GK5: variants seen among roughly 807,000 people sequenced by gnomAD.
GK5 encodes ATP:glycerol 3-phosphotransferase 5.
In GK5, 39 loss-of-function variants were observed where a neutral mutation model predicts 77.3. The observed-to-expected ratio is 0.50, with a 90% CI of 0.39 to 0.66. GK5 has a LOEUF of 0.66. GK5 is among the 30% of genes least tolerant of loss of function. The pLI, the probability that GK5 is intolerant of heterozygous loss-of-function variation, is 0.00. For synonymous variants in GK5, 211 were observed against 208.0 expected, an observed-to-expected ratio of 1.01 and a Z score of -0.13; for missense variants, 487 against 633.8, an observed-to-expected ratio of 0.77 and a Z score of 2.49.
At chr3:142,169,327 A>G (rs545816492) in intron 15 of GK5, among the ~76,000 whole-genome samples, 5 of 152,190 alleles carry the variant, frequency 3.3e-5, no homozygotes, top group Non-Finnish European at 7.3e-5. Context: ...GCATTATCTA[A>G]TTTGAGCAAG....
At chr3:142,205,620 C>T (rs543975190) in intron 3 of GK5, among the ~76,000 whole-genome samples, 1 of 152,284 alleles carries the variant, frequency 6.6e-6, no homozygotes, top group Admixed American at 6.5e-5. Context: ...AACCTTTAAT[C>T]CCTCAAACAT....
chr3:142,220,468 G>C (rs890581813), intron 1 of GK5, among the ~76,000 whole-genome samples: 1 of 152,188 alleles, frequency 6.6e-6, no homozygotes, highest in Non-Finnish European at 1.5e-5. Context: ...TGAGTGGGCA[G>C]ATGGTACATG....
At position 142,164,940 on chromosome 3, in the gene GK5, C is replaced by A. The variant is rs2063457489; in HGVS notation, c.*682G>T. Reference sequence around the variant, plus strand: ...ATCAATATTCTTTCTAGTTCATTAACTAAAATTAGTTTTTCAGTGTTTTCA... The same window carrying A: ...ATCAATATTCTTTCTAGTTCATTAAATAAAATTAGTTTTTCAGTGTTTTCA... On this transcript the variant is annotated 3_prime_UTR_variant, in exon 16 of 16. Transcript: ENST00000392993. 6.6e-6 allele frequency: 1 copy of A among 152,494 alleles called. No homozygotes were observed. The highest frequency in any genetic ancestry group is 6.6e-5 in the Admixed American group (1 of 15,250). 9.4% of individuals were successfully genotyped at this position (152,494 alleles called of 1,614,324 possible). A position where few individuals can be genotyped will look rare whatever the true frequency, so the allele number is the denominator to read the frequency against.
At chr3:142,189,000 C>T (rs1321917705) in intron 5 of GK5, among the ~76,000 whole-genome samples, 2 of 152,214 alleles carry the variant, frequency 1.3e-5, no homozygotes, top group African/African-American at 4.8e-5. Flanking sequence ...ATTTGTCCTT[C>T]AAGACCAGCA....
In GK5 at chr3:142,164,998, A is replaced by G. The variant is rs1467030610; in HGVS notation, c.*624T>C. The G allele has an allele frequency of 6.6e-6, 1 of 152,660 alleles. No individual in the cohort carries two copies. Among genetic ancestry groups the G allele is most frequent in the African/African-American group, 2.4e-5 (1 of 41,476 alleles). The allele number at this position is 152,660 out of a possible 1,614,324, so 9.5% of individuals were successfully genotyped here. A position where few individuals can be genotyped will look rare whatever the true frequency, so the allele number is the denominator to read the frequency against. On this transcript the variant is annotated 3_prime_UTR_variant, in exon 16 of 16. Coordinates refer to ENST00000392993, the MANE Select transcript of GK5 (RefSeq NM_001039547.3). ...AAGAATGCTCAGATTTTGGTTGAAC[A>G]AGGAAAAATTAAGGCAGTGTCTTTA...
At chr3:142,218,348 C>T (rs953716675) in intron 1 of GK5, among the ~76,000 whole-genome samples, 1 of 143,810 alleles carries the variant, frequency 7.0e-6, no homozygotes, top group Non-Finnish European at 1.5e-5. Flanking sequence ...GCTTGGGCAA[C>T]GCGGTGAAAC....
chr3:142,216,481 T>C (rs2064277740), intron 1 of GK5, among the ~76,000 whole-genome samples: 1 of 152,002 alleles, frequency 6.6e-6, no homozygotes, highest in African/African-American at 2.4e-5. Flanking sequence ...AAGGTAAAAC[T>C]TCCTCTCCAA....
rs918376466 is a variant in GK5 at position 142,225,554 on chromosome 3, A to G, written c.-99T>C. 11 of 1,438,966 alleles carry G rather than the reference A, an allele frequency of 7.6e-6. No individual in the cohort carries two copies. Among genetic ancestry groups the G allele is most frequent in the African/African-American group, 1.5e-5 (1 of 67,718 alleles). The allele number at this position is 1,438,966 out of a possible 1,614,324, so 89.1% of individuals were successfully genotyped here. ...CCCGGGCGGCCCAACCCGGGCCCCAACCCGGCTCAGCCGGAGAGCCTAGAG... is the reference window on the plus strand; with the variant it reads ...CCCGGGCGGCCCAACCCGGGCCCCAGCCCGGCTCAGCCGGAGAGCCTAGAG... On this transcript the variant is annotated 5_prime_UTR_variant, in exon 1 of 16. Transcript: ENST00000392993.
intron 3 of GK5, among the ~76,000 whole-genome samples, chr3:142,211,097 G>A (rs565119483): frequency 6.6e-6 from 1 of 152,072 alleles, no homozygotes; most frequent in Non-Finnish European, 1.5e-5. Context: ...CCTATTTTTT[G>A]AGACTTCATC....
chr3:142,197,186 C>CA (rs1316585898), intron 5 of GK5, among the ~76,000 whole-genome samples: 10 of 149,078 alleles, frequency 6.7e-5, no homozygotes, highest in Non-Finnish European at 1.5e-4. Flanking sequence ...GACTCCGTCT[C>CA]AAAAAAAAGA....
At chr3:142,185,133 C>T in intron 9 of GK5, 4 of 985,312 alleles carry the variant, frequency 4.1e-6, no homozygotes, top group Non-Finnish European at 4.8e-6. Context: ...CAAAAACAGG[C>T]TTGGCACAGT....
At chr3:142,204,477 G>T in intron 4 of GK5, 1 of 595,254 alleles carries the variant, frequency 1.7e-6, no homozygotes, top group South Asian at 1.7e-5. Context: ...GTGAAACTCT[G>T]GTCCACCACA....
intron 5 of GK5, among the ~76,000 whole-genome samples, chr3:142,195,929 T>C (rs979498770): frequency 1.3e-5 from 2 of 152,258 alleles, no homozygotes; most frequent in Non-Finnish European, 2.9e-5. Flanking sequence ...AAACTTTTGG[T>C]AGAATTCACT....
In GK5 at chr3:142,161,822, AG is replaced by A. The variant is rs1257325819; in HGVS notation, c.*3799del. The A allele has an allele frequency of 6.6e-6, 1 of 152,224 alleles. No individual in the cohort carries two copies. The allele number at this position is 152,224 out of a possible 1,614,324, so 9.4% of individuals were successfully genotyped here. ...GATTGATTGATTGATTGATTGAGAC[AG>A]GGTCTCACTTTGCCACCCAGGCTAG... On this transcript the variant is annotated 3_prime_UTR_variant, in exon 16 of 16. Coordinates refer to ENST00000392993, the MANE Select transcript of GK5 (RefSeq NM_001039547.3).
intron 1 of GK5, among the ~76,000 whole-genome samples, chr3:142,219,964 C>CTCAA (rs540989946): frequency 1.3e-5 from 2 of 152,148 alleles, no homozygotes; most frequent in African/African-American, 2.4e-5. Flanking sequence ...GGGAGACTGT[C>CTCAA]TCAATCAATC....
chr3:142,169,184 G>A (rs933107476), intron 15 of GK5, among the ~76,000 whole-genome samples: 3 of 152,172 alleles, frequency 2.0e-5, no homozygotes, highest in Admixed American at 2.0e-4. Flanking sequence ...ATAAAAGAAT[G>A]GAGTGGTTTC....
At chr3:142,191,856 G>A (rs185281070) in intron 5 of GK5, among the ~76,000 whole-genome samples, 69 of 152,086 alleles carry the variant, frequency 4.5e-4, no homozygotes, top group Admixed American at 4.2e-3. Flanking sequence ...CATTAGCCGG[G>A]CATGGTGGCA....
At chr3:142,222,398 T>C (rs2064363218) in intron 1 of GK5, among the ~76,000 whole-genome samples, 1 of 152,022 alleles carries the variant, frequency 6.6e-6, no homozygotes, top group African/African-American at 2.4e-5. Context: ...ACCCCATGTC[T>C]ATGAAAAATA....
rs1447797361 is a variant in GK5, at chr3:142,160,510, C to T, written c.*5112G>A. 1 of 152,100 alleles carries T rather than the reference C, an allele frequency of 6.6e-6. No individual in the cohort carries two copies. Among genetic ancestry groups the T allele is most frequent in the East Asian group, 1.9e-4 (1 of 5,192 alleles). The allele number at this position is 152,100 out of a possible 1,614,324, so 9.4% of individuals were successfully genotyped here. A position where few individuals can be genotyped will look rare whatever the true frequency, so the allele number is the denominator to read the frequency against. Reference sequence around the variant, plus strand: ...TTTTAAATTAAAGACTGGTCCCTTACAGGAGGGGCTATTTATGAAGTTCCT... The same window carrying T: ...TTTTAAATTAAAGACTGGTCCCTTATAGGAGGGGCTATTTATGAAGTTCCT... On this transcript the variant is annotated 3_prime_UTR_variant, in exon 16 of 16. Coordinates refer to ENST00000392993, the MANE Select transcript of GK5 (RefSeq NM_001039547.3).
Sources: gnomAD v4.1 joint callset for allele counts (sites outside exome capture counted in the v4.1 genomes callset) on GRCh38, gnomAD v4.1.1 for gene constraint, MANE v1.5 for transcripts, NCBI Gene and HGNC (gene_info 2026-07-23, HGNC 2026-07-21) for gene names.